Variants in SPEF2 observed in about 807,000 individuals in gnomAD.
SPEF2 encodes sperm flagellar and cilia associated 2.
SPEF2 carries 187 observed loss-of-function variants against 224.6 expected under a neutral mutation model. The observed-to-expected ratio is 0.83, with a 90% CI of 0.74 to 0.94. SPEF2 has a LOEUF of 0.94. SPEF2 is among the 40% of genes least tolerant of loss of function. SPEF2 has a pLI of 0.00. For synonymous variants in SPEF2, 715 were observed against 707.3 expected (o/e 1.01, Z -0.17); for missense variants, 2,170 against 2,135.6 (o/e 1.02, Z -0.32).
rs115615939 is a variant in SPEF2, at chr5:35,779,729, A to T, written c.4447+383A>T. Among the ~76,000 whole-genome samples, 1,339 of 152,332 alleles carry T rather than the reference A, an allele frequency of 8.8e-3. 16 individuals are homozygous for T. Among genetic ancestry groups the T allele is most frequent in the African/African-American group, 0.031 (1,304 of 41,566 alleles). On this transcript the variant is annotated intron_variant, in intron 30 of 36. Transcript: ENST00000356031. ...GTTTGTGTTTCTGTGAGGGGAGACC[A>T]GGCAGTAGAAGATTTCCCTTTTATG... is the stretch of plus-strand genomic sequence containing the variant.
rs756831262 is a variant in SPEF2, at chr5:35,779,262, C to A, written c.4363C>A (p.Pro1455Thr). 2.5e-6 allele frequency: 4 copies of A among 1,613,822 alleles called. No homozygotes were observed. Among genetic ancestry groups the A allele is most frequent in the Non-Finnish European group, 3.4e-6 (4 of 1,179,910 alleles). ...TCCTCCCCCATCAATACGTCCTCCA[C>A]CTGTAGAAAAGGAAGAAGATGGTAC... ...PDPPPSIRPPPVEKEEDGTLT... is the reference protein window; with the variant it reads ...PDPPPSIRPPTVEKEEDGTLT... The change falls in exon 30 of 37, where the codon CCT becomes ACT. Residue 1455 changes from proline to threonine, a missense_variant. By Grantham distance (38) the Pro-to-Thr change is conservative. Coordinates refer to ENST00000356031, the MANE Select transcript of SPEF2 (RefSeq NM_024867.4).
rs774049573 is a variant in SPEF2, at chr5:35,727,679, T to G, written c.2919T>G (p.Ser973=). 5.6e-6 allele frequency: 9 copies of G among 1,612,896 alleles called. No individual in the cohort carries two copies. In the South Asian group the frequency reaches 8.8e-5, roughly 16 times the overall value. The change falls in exon 21 of 37, where the codon TCT becomes TCG. Residue 973 remains serine (S), a synonymous_variant. Coordinates refer to ENST00000356031, the MANE Select transcript of SPEF2 (RefSeq NM_024867.4). The part of the protein sequence containing the change: ...KGETALKRKG[S]PKGKSSGGKV... ...AATTTGATATGCATGTTTAAGGTTCTCCTAAAGGAAAATCATCAGGAGGAA... is the reference window on the plus strand; with the variant it reads ...AATTTGATATGCATGTTTAAGGTTCGCCTAAAGGAAAATCATCAGGAGGAA...
intron 36 of SPEF2, among the ~76,000 whole-genome samples, chr5:35,812,327 G>T (rs1758596339): frequency 6.6e-6 from 1 of 152,140 alleles, no homozygotes; most frequent in Non-Finnish European, 1.5e-5. Context: ...GTCCCAGGAA[G>T]CCTCTGGTCC....
At chr5:35,762,486 A>G (rs1437008818) in intron 25 of SPEF2, among the ~76,000 whole-genome samples, 1 of 152,154 alleles carries the variant, frequency 6.6e-6, no homozygotes, top group Non-Finnish European at 1.5e-5. Context: ...CAGATCCTCA[A>G]TACGCTGCCT....
intron 18 of SPEF2, among the ~76,000 whole-genome samples, chr5:35,708,627 C>T (rs1189080847): frequency 6.3e-5 from 3 of 47,276 alleles, no homozygotes; most frequent in African/African-American, 1.4e-4. Flanking sequence ...CTACCTCCAC[C>T]ACCATCACCT....
At chr5:35,633,286 A>C (rs1447800643) in intron 2 of SPEF2, among the ~76,000 whole-genome samples, 1 of 152,044 alleles carries the variant, frequency 6.6e-6, no homozygotes, top group African/African-American at 2.4e-5. Flanking sequence ...TAATTCTTTC[A>C]GTTTTTCCTC....
chr5:35,704,604 G>C lies in SPEF2; in HGVS notation c.2449G>C (p.Ala817Pro). 2 of 1,612,994 alleles carry C rather than the reference G, an allele frequency of 1.2e-6. No homozygotes were observed. Among genetic ancestry groups the C allele is most frequent in the Non-Finnish European group, 1.7e-6 (2 of 1,179,348 alleles). Residue 817 changes from alanine to proline, a missense_variant, in exon 17 of 37, where the codon GCT becomes CCT. Coordinates refer to ENST00000356031, the MANE Select transcript of SPEF2 (RefSeq NM_024867.4). ...TAHEDISQRV[A>P]AENQDKDGDQ... ...TCACGAAGATATCAGTCAACGTGTA[G>C]CTGCTGAAAACCAAGATAAGGATGG...
intron 27 of SPEF2, among the ~76,000 whole-genome samples, chr5:35,772,901 C>T (rs1223459229): frequency 6.6e-6 from 1 of 152,110 alleles, no homozygotes; most frequent in Non-Finnish European, 1.5e-5. Context: ...GATTTGAACC[C>T]TTCGAAGTCA....
chr5:35,713,599 G>A (rs1466968646), intron 20 of SPEF2, among the ~76,000 whole-genome samples: 1 of 150,552 alleles, frequency 6.6e-6, no homozygotes, highest in Non-Finnish European at 1.5e-5. Context: ...AGCCAGGCAT[G>A]GTGGCACACA....
intron 36 of SPEF2, among the ~76,000 whole-genome samples, chr5:35,813,800 T>C (rs570635042): frequency 6.6e-6 from 1 of 151,204 alleles, no homozygotes; most frequent in African/African-American, 2.4e-5. Flanking sequence ...AAGGAACTTA[T>C]ATTGTTAAAA....
chr5:35,779,360 T>G lies in SPEF2; in HGVS notation c.4447+14T>G. On this transcript the variant is annotated intron_variant, in intron 30 of 36. Coordinates refer to ENST00000356031, the MANE Select transcript of SPEF2 (RefSeq NM_024867.4). ...TGGCACCTAAAGGTAGGAAAAATAA[T>G]TATCATGAAAAGAGCACAAAAAAAG... 2.5e-6 allele frequency: 4 copies of G among 1,576,192 alleles called. No homozygotes were observed. Among genetic ancestry groups the G allele is most frequent in the Non-Finnish European group, 3.4e-6 (4 of 1,160,376 alleles).
At chr5:35,739,530 C>A (rs2149688811) in intron 21 of SPEF2, among the ~76,000 whole-genome samples, 1 of 152,258 alleles carries the variant, frequency 6.6e-6, no homozygotes, top group Non-Finnish European at 1.5e-5. Context: ...TTGGCACATG[C>A]CACCACACCT....
At chr5:35,764,854 C>A (rs1751877772) in intron 26 of SPEF2, 2 of 385,720 alleles carry the variant, frequency 5.2e-6, no homozygotes, top group African/African-American at 2.1e-5. Context: ...CTCCCTCTCA[C>A]AAGCAATGAT....
chr5:35,689,419 T>C (rs1232657110), intron 10 of SPEF2, among the ~76,000 whole-genome samples: 3 of 152,188 alleles, frequency 2.0e-5, no homozygotes. Context: ...GTATATTGCA[T>C]GATGCTATGT....
At chr5:35,669,923 C>A (rs1375067741) in intron 9 of SPEF2, 136 bp from the exon 10 acceptor site, 2 of 681,600 alleles carry the variant, frequency 2.9e-6, no homozygotes, top group East Asian at 2.9e-5. Context: ...ATATGGTAAC[C>A]TTTAAGATCA....
intron 33 of SPEF2, among the ~76,000 whole-genome samples, chr5:35,797,328 G>C (rs201969573): frequency 0.014 from 2,101 of 147,832 alleles, 27 homozygotes; most frequent in African/African-American, 0.032. Context: ...GTGTGTGTGT[G>C]TGTGTGTGTG....
intron 21 of SPEF2, among the ~76,000 whole-genome samples, chr5:35,729,872 C>T (rs1333646847): frequency 6.6e-6 from 1 of 152,048 alleles, no homozygotes; most frequent in African/African-American, 2.4e-5. Context: ...TTTCTCTTGC[C>T]GCTGCCACGT....
intron 10 of SPEF2, among the ~76,000 whole-genome samples, chr5:35,685,239 C>T (rs1753426937): frequency 6.6e-6 from 1 of 151,988 alleles, no homozygotes; most frequent in African/African-American, 2.4e-5. Flanking sequence ...CTACATTACA[C>T]CAATTTTAAA....
At chr5:35,766,926 A>G (rs902813440) in intron 26 of SPEF2, among the ~76,000 whole-genome samples, 1 of 151,850 alleles carries the variant, frequency 6.6e-6, no homozygotes, top group Admixed American at 6.6e-5. Flanking sequence ...TTCATGGAAC[A>G]TATTCTCATA....
Sources: gnomAD v4.1 joint callset for allele counts (sites outside exome capture counted in the v4.1 genomes callset) on GRCh38, gnomAD v4.1.1 for gene constraint, MANE v1.5 for transcripts, NCBI Gene and HGNC (gene_info 2026-07-23, HGNC 2026-07-21) for gene names.